The following RASAL2 variants were observed in gnomAD, a reference collection of about 807,000 sequenced individuals.
RASAL2 encodes ras GTPase-activating protein nGAP.
Under a neutral mutation model 128.9 loss-of-function variants are expected in RASAL2, and 58 were observed. The ratio of observed to expected loss-of-function variants is 0.45; its 90% CI spans 0.36 to 0.56. The LOEUF (loss-of-function observed/expected upper bound fraction) is 0.56, where lower values mean the gene tolerates loss of function less well. RASAL2 is among the 20% of genes least tolerant of loss of function. RASAL2 has a pLI of 0.00. For synonymous variants in RASAL2, 561 were observed against 580.8 expected (o/e 0.97, Z 0.49); for missense variants, 1,360 against 1,601.6 (o/e 0.85, Z 2.57).
intron 1 of RASAL2, among the ~76,000 whole-genome samples, chr1:178,177,594 T>C (rs1045056488): frequency 2.0e-5 from 3 of 152,208 alleles, no homozygotes; most frequent in Non-Finnish European, 4.4e-5. Flanking sequence ...CTCTGAGGAA[T>C]TGATCTTTGA....
At chr1:178,237,302 G>A (rs1394826929) in intron 1 of RASAL2, among the ~76,000 whole-genome samples, 3 of 151,948 alleles carry the variant, frequency 2.0e-5, no homozygotes, top group Non-Finnish European at 2.9e-5. Context: ...TGAGAGCATC[G>A]CTTCAAGCAG....
chr1:178,121,940 A>G (rs1030642004), intron 1 of RASAL2, among the ~76,000 whole-genome samples: 1 of 151,860 alleles, frequency 6.6e-6, no homozygotes, highest in African/African-American at 2.4e-5. Flanking sequence ...ACATCACCTC[A>G]TTTTTGGCTT....
intron 1 of RASAL2, among the ~76,000 whole-genome samples, chr1:178,186,394 A>AT (rs555960512): frequency 4.6e-5 from 7 of 151,360 alleles, no homozygotes; most frequent in South Asian, 4.2e-4. Flanking sequence ...CTACTCTGTT[A>AT]TTTTTTTTAC....
intron 1 of RASAL2, among the ~76,000 whole-genome samples, chr1:178,230,445 C>T (rs1663958618): frequency 6.6e-6 from 1 of 152,198 alleles, no homozygotes; most frequent in South Asian, 2.1e-4. Context: ...TCTACATCCT[C>T]ACCAGCATGT....
At chr1:178,277,705 T>C (rs1666591993) in intron 1 of RASAL2, among the ~76,000 whole-genome samples, 1 of 152,244 alleles carries the variant, frequency 6.6e-6, no homozygotes, top group African/African-American at 2.4e-5. Flanking sequence ...CAATTATCTG[T>C]TGGGAATATG....
intron 1 of RASAL2, among the ~76,000 whole-genome samples, chr1:178,252,441 G>T (rs965769447): frequency 6.6e-6 from 1 of 151,952 alleles, no homozygotes; most frequent in African/African-American, 2.4e-5. Context: ...TTTGTTTTTT[G>T]ATGTTTATAG....
Position 178,454,668 on chromosome 1 carries a change from G to A in RASAL2, c.2211+20G>A. 2 of 1,602,112 alleles carry A rather than the reference G, an allele frequency of 1.2e-6. No homozygotes were observed. Among genetic ancestry groups the A allele is most frequent in the South Asian group, 1.1e-5 (1 of 90,762 alleles). On this transcript the variant is annotated intron_variant, in intron 12 of 17. Coordinates refer to ENST00000367649, the MANE Select transcript of RASAL2 (RefSeq NM_170692.4). ...GATAAGGTAAAGTAGGTTGGTGGAAGATAGAGAACTTTAATGTACCTGAAT... is the reference window on the plus strand; with the variant it reads ...GATAAGGTAAAGTAGGTTGGTGGAAAATAGAGAACTTTAATGTACCTGAAT...
At chr1:178,141,220 C>G (rs1239495094) in intron 1 of RASAL2, among the ~76,000 whole-genome samples, 3 of 22,304 alleles carry the variant, frequency 1.3e-4, no homozygotes, top group African/African-American at 3.3e-4. Context: ...TTTTTTTTTG[C>G]AGTTGCAAGA....
chr1:178,121,726 A>G (rs2102275823), intron 1 of RASAL2, among the ~76,000 whole-genome samples: 1 of 152,100 alleles, frequency 6.6e-6, no homozygotes, highest in African/African-American at 2.4e-5. Context: ...ACCTCAGGTG[A>G]TCTGCCCAGT....
chr1:178,327,515 A>AT (rs1209781955), intron 3 of RASAL2, among the ~76,000 whole-genome samples: 1 of 151,514 alleles, frequency 6.6e-6, no homozygotes, highest in Non-Finnish European at 1.5e-5. Flanking sequence ...CTAGCTAATA[A>AT]TTTTTTGTGT....
intron 6 of RASAL2, 77 bp from the exon 7 acceptor site, chr1:178,441,472 G>T (rs1572079723): frequency 1.1e-6 from 1 of 949,694 alleles, no homozygotes; most frequent in East Asian, 2.6e-5. Context: ...AAGAGTTAGA[G>T]GTATGCTGTG....
At chr1:178,164,500 TGTGTGC>T (rs1007818894) in intron 1 of RASAL2, among the ~76,000 whole-genome samples, 1 of 145,414 alleles carries the variant, frequency 6.9e-6, no homozygotes, top group East Asian at 2.0e-4. Context: ...TGTGTGTGTG[TGTGTGC>T]GTGTGTGTGT....
chr1:178,206,733 A>C (rs114550577), intron 1 of RASAL2, among the ~76,000 whole-genome samples: 6,210 of 152,300 alleles, frequency 0.041, 192 homozygotes, highest in Non-Finnish European at 0.062. Context: ...GATCTATATT[A>C]ACATTTTTTA....
At position 178,260,361 on chromosome 1, in the gene RASAL2, AAAAT is replaced by A. The variant is rs1665625267; in HGVS notation, c.203-23201_203-23198del. ...AGCGAGACTCGTCTCAAAAAAAAAAAAAATATATATATATATATATATATATATA... is the reference window on the plus strand; with the variant it reads ...AGCGAGACTCGTCTCAAAAAAAAAAAATATATATATATATATATATATATA... On this transcript the variant is annotated intron_variant, in intron 1 of 17. Transcript: ENST00000367649. Among the ~76,000 whole-genome samples the A allele has an allele frequency of 6.9e-5, 2 of 28,886 alleles. 1 individual carries two copies. The highest frequency in any genetic ancestry group is 2.4e-4 in the African/African-American group (2 of 8,268). The allele number at this position is 28,886 out of a possible 152,430, so 19.0% of individuals were successfully genotyped here.
At chr1:178,383,034 G>C (rs534607964) in intron 3 of RASAL2, among the ~76,000 whole-genome samples, 1 of 152,242 alleles carries the variant, frequency 6.6e-6, no homozygotes, top group East Asian at 1.9e-4. Flanking sequence ...GTGGTATTCA[G>C]ATTCCTTGGC....
At position 178,458,183 on chromosome 1, in the gene RASAL2, T is replaced by C. The variant is rs1203588302; in HGVS notation, c.2891T>C (p.Leu964Pro). The C allele has an allele frequency of 5.6e-6, 9 of 1,614,164 alleles. No individual in the cohort carries two copies. The highest frequency in any genetic ancestry group is 7.6e-6 in the Non-Finnish European group (9 of 1,180,032). Residue 964 changes from leucine to proline, a missense_variant, in exon 14 of 18, where the codon CTC becomes CCC. Physicochemically the swap from Leu to Pro is moderately conservative, Grantham distance 98. Transcript: ENST00000367649. ...CAAAGTAACAGTGAAGACTTCAAGC[T>C]CAGTGGACCCAGCAATAGCAGCATG... Reference protein sequence around the residue: ...RSQSNSEDFKLSGPSNSSMED... With the variant: ...RSQSNSEDFKPSGPSNSSMED...
rs907380403 is a variant in RASAL2 at position 178,390,012 on chromosome 1, T to G, written c.458-88T>G. On this transcript the variant is annotated intron_variant, in intron 3 of 17. Coordinates refer to ENST00000367649, the MANE Select transcript of RASAL2 (RefSeq NM_170692.4). ...TATACCTTTAAAGCATGCTGGTTTA[T>G]TGTGAAAAACCAGTAACTTTACAGT... 4 of 798,312 alleles carry G rather than the reference T, an allele frequency of 5.0e-6. No homozygotes were observed. In the African/African-American group the frequency reaches 7.0e-5, roughly 14 times the overall value. 49.5% of individuals were successfully genotyped at this position (798,312 alleles called of 1,614,324 possible).
At chr1:178,153,828 T>C (rs921209926) in intron 1 of RASAL2, among the ~76,000 whole-genome samples, 1 of 152,182 alleles carries the variant, frequency 6.6e-6, no homozygotes, top group African/African-American at 2.4e-5. Flanking sequence ...AATGTAATTC[T>C]ATGATTAACA....
chr1:178,108,497 A>T (rs975838101), intron 1 of RASAL2, among the ~76,000 whole-genome samples: 9 of 152,210 alleles, frequency 5.9e-5, no homozygotes, highest in Non-Finnish European at 1.2e-4. Context: ...CTACACTATC[A>T]GGTAAATACT....
Sources: gnomAD v4.1 joint callset for allele counts (sites outside exome capture counted in the v4.1 genomes callset) on GRCh38, gnomAD v4.1.1 for gene constraint, MANE v1.5 for transcripts, NCBI Gene and HGNC (gene_info 2026-07-23, HGNC 2026-07-21) for gene names.